The following EYS variants were observed in gnomAD, a reference collection of about 807,000 sequenced individuals.
The protein encoded by EYS is protein eyes shut homolog.
EYS carries 250 observed loss-of-function variants against 282.1 expected under a neutral mutation model. The observed-to-expected ratio is 0.89, with a 90% CI of 0.80 to 0.98. The LOEUF is 0.98. Among genes scored for constraint, EYS ranks in the 50% least tolerant of loss-of-function variants. The pLI, the probability that EYS is intolerant of heterozygous loss-of-function variation, is 0.00. For synonymous variants in EYS, 1,355 were observed against 1,282.9 expected, an observed-to-expected ratio of 1.06 and a Z score of -1.20; for missense variants, 4,016 against 3,709.0, an observed-to-expected ratio of 1.08 and a Z score of -2.15.
Position 65,296,143 on chromosome 6 carries a change from C to T in EYS, c.1767-24G>A, listed in dbSNP as rs763520129. ...ATCTGAAACACAGAGAAATGAAAAA[C>T]CCAATTAGTCATATACTTTATTTTG... On this transcript the variant is annotated intron_variant, in intron 11 of 42. Transcript: ENST00000503581. 12 of 1,529,706 alleles carry T rather than the reference C, an allele frequency of 7.8e-6. No individual in the cohort carries two copies. The South Asian group carries it at 1.4e-4, about 18-fold the overall frequency. 94.8% of individuals were successfully genotyped at this position (1,529,706 alleles called of 1,614,324 possible).
chr6:63,931,439 C>CT (rs1193779015), intron 35 of EYS, among the ~76,000 whole-genome samples: 2 of 152,142 alleles, frequency 1.3e-5, no homozygotes, highest in Non-Finnish European at 2.9e-5. Context: ...ATCTTTTGTT[C>CT]TTTTTGTAAT....
intron 5 of EYS, among the ~76,000 whole-genome samples, chr6:65,439,221 T>G (rs1018034964): frequency 1.3e-5 from 2 of 152,204 alleles, no homozygotes; most frequent in Non-Finnish European, 2.9e-5. Context: ...ATATCTCTGT[T>G]TTGGTAACAG....
chr6:63,908,369 A>G (rs1033106972), intron 35 of EYS, among the ~76,000 whole-genome samples: 1 of 152,148 alleles, frequency 6.6e-6, no homozygotes, highest in Non-Finnish European at 1.5e-5. Context: ...GTAAATGTAA[A>G]TTAGTACAAC....
intron 13 of EYS, among the ~76,000 whole-genome samples, chr6:65,008,907 G>A (rs1041610759): frequency 6.6e-6 from 1 of 152,092 alleles, no homozygotes; most frequent in Non-Finnish European, 1.5e-5. Context: ...ATCCGAGGGG[G>A]TCCTAGGACA....
intron 5 of EYS, among the ~76,000 whole-genome samples, chr6:65,423,631 C>A (rs1343666803): frequency 2.0e-5 from 3 of 151,836 alleles, no homozygotes; most frequent in Non-Finnish European, 4.4e-5. Context: ...TTTTGCTATG[C>A]CCATTGAAAT....
rs67700846 is a variant in EYS at position 64,692,977 on chromosome 6, C to CTTTTTTTTTTTTTTT, written c.3444-66747_3444-66733dup. Among the ~76,000 whole-genome samples the CTTTTTTTTTTTTTTT allele has an allele frequency of 1.8e-3, 21 of 11,498 alleles. 6 individuals carry two copies. The highest frequency in any genetic ancestry group is 5.0e-3 in the East Asian group (2 of 398). 7.5% of individuals were successfully genotyped at this position (11,498 alleles called of 152,430 possible). On this transcript the variant is annotated intron_variant, in intron 22 of 42. Transcript: ENST00000503581. ...CTTGGGATTGGTTTGGCTGCTTGGGCTTTTTTTTTTTTTTTTTTTTTTGGT... is the reference window on the plus strand; with the variant it reads ...CTTGGGATTGGTTTGGCTGCTTGGGCTTTTTTTTTTTTTTTTTTTTTTTTTTTTTTTTTTTTTGGT...
chr6:65,623,714 T>G (rs1346297654), intron 2 of EYS, among the ~76,000 whole-genome samples: 1 of 152,228 alleles, frequency 6.6e-6, no homozygotes, highest in Non-Finnish European at 1.5e-5. Flanking sequence ...CATGGAATTA[T>G]TTTGTGAATT....
chr6:65,466,709 T>C (rs1159509341), intron 5 of EYS, among the ~76,000 whole-genome samples: 1 of 152,136 alleles, frequency 6.6e-6, no homozygotes, highest in Non-Finnish European at 1.5e-5. Context: ...GAATGGCACT[T>C]GGACAGGGTT....
chr6:65,028,820 C>T (rs571755387), intron 13 of EYS, among the ~76,000 whole-genome samples: 145 of 152,144 alleles, frequency 9.5e-4, no homozygotes, highest in African/African-American at 3.4e-3. Context: ...AAGAATCTTT[C>T]ACCCACTAGT....
intron 13 of EYS, among the ~76,000 whole-genome samples, chr6:65,049,025 T>C (rs147903231): frequency 1.2e-4 from 19 of 152,008 alleles, no homozygotes; most frequent in African/African-American, 4.3e-4. Context: ...AGATGATAGA[T>C]GTGTTAATCT....
At chr6:64,895,283 C>G (rs2150067968) in intron 18 of EYS, among the ~76,000 whole-genome samples, 1 of 152,216 alleles carries the variant, frequency 6.6e-6, no homozygotes, top group Admixed American at 6.5e-5. Context: ...GTACCTGAGT[C>G]CAGCTATGAC....
At chr6:64,058,464 A>T (rs1403995301) in intron 33 of EYS, among the ~76,000 whole-genome samples, 1 of 152,306 alleles carries the variant, frequency 6.6e-6, no homozygotes, top group Admixed American at 6.5e-5. Flanking sequence ...AACCATAATG[A>T]TAAATTCCAG....
At chr6:65,039,583 A>G (rs1772871992) in intron 13 of EYS, among the ~76,000 whole-genome samples, 1 of 151,488 alleles carries the variant, frequency 6.6e-6, no homozygotes, top group Non-Finnish European at 1.5e-5. Flanking sequence ...TTCTTCCAGT[A>G]TGTGATGTGA....
chr6:64,063,360 T>C (rs1771247887), intron 33 of EYS, among the ~76,000 whole-genome samples: 1 of 152,194 alleles, frequency 6.6e-6, no homozygotes, highest in Non-Finnish European at 1.5e-5. Context: ...CTTCTTGCAT[T>C]GTTTATTATT....
intron 35 of EYS, among the ~76,000 whole-genome samples, chr6:63,952,837 C>T (rs936312629): frequency 6.6e-6 from 1 of 152,116 alleles, no homozygotes; most frequent in Non-Finnish European, 1.5e-5. Flanking sequence ...CCATTAAAAC[C>T]TAATCACACT....
At chr6:64,163,554 T>C (rs1357109449) in intron 31 of EYS, among the ~76,000 whole-genome samples, 3 of 151,870 alleles carry the variant, frequency 2.0e-5, no homozygotes, top group Non-Finnish European at 4.4e-5. Context: ...CAGTACAGTT[T>C]GTGCTTTGAA....
At chr6:65,148,997 C>A (rs925713427) in intron 12 of EYS, among the ~76,000 whole-genome samples, 3 of 152,030 alleles carry the variant, frequency 2.0e-5, no homozygotes, top group African/African-American at 7.2e-5. Context: ...GAGCCCTGGG[C>A]CCAGCCCAGG....
intron 11 of EYS, among the ~76,000 whole-genome samples, chr6:65,309,633 G>A (rs994923028): frequency 6.2e-4 from 94 of 152,260 alleles, no homozygotes; most frequent in Non-Finnish European, 1.3e-3. Context: ...GCATTAGGAA[G>A]AACTGAATTC....
At chr6:64,098,440 T>G (rs1052409847) in intron 31 of EYS, among the ~76,000 whole-genome samples, 2 of 152,086 alleles carry the variant, frequency 1.3e-5, no homozygotes, top group Non-Finnish European at 2.9e-5. Flanking sequence ...TTTACATAAA[T>G]TTTTAGAAAA....
Sources: gnomAD v4.1 joint callset for allele counts (sites outside exome capture counted in the v4.1 genomes callset) on GRCh38, gnomAD v4.1.1 for gene constraint, MANE v1.5 for transcripts, NCBI Gene and HGNC (gene_info 2026-07-23, HGNC 2026-07-21) for gene names.